Variants in SEMA4G observed in about 807,000 individuals in gnomAD.
SEMA4G encodes semaphorin 4G.
SEMA4G carries 59 observed loss-of-function variants against 81.2 expected under a neutral mutation model. The ratio of observed to expected loss-of-function variants is 0.73; its 90% CI spans 0.59 to 0.90. SEMA4G has a LOEUF of 0.90. Among genes scored for constraint, SEMA4G ranks in the 40% least tolerant of loss-of-function variants. The pLI is 0.00. For missense variants in SEMA4G, 952 were observed against 1,102.3 expected (o/e 0.86, Z 1.93); for synonymous variants, 404 against 433.9 (o/e 0.93, Z 0.86).
At chr10:100,984,760 G>A (rs2133912160) in exon 14 of SEMA4G, 1 of 1,536,064 alleles carries the variant, frequency 6.5e-7, no homozygotes, top group African/African-American at 1.4e-5. Context: ...GCCCCATGTG[G>A]TGACCTCTTT....
chr10:100,983,731 G>C, exon 14 of SEMA4G: 1 of 1,613,444 alleles, frequency 6.2e-7, no homozygotes, highest in South Asian at 1.1e-5. Flanking sequence ...GAAGGCAGAC[G>C]AGGGCGCCGA....
At position 100,973,242 on chromosome 10, in the gene SEMA4G, A is replaced by G; in HGVS notation, c.238A>G (p.Ser80Gly). The change falls in exon 2 of 14, where the codon AGT (serine) becomes GGT (glycine). Residue 80 changes from serine (S) to glycine (G), a missense_variant. By Grantham distance (56) the Ser-to-Gly change is moderately conservative. Transcript: ENST00000370250. The surrounding 1 kb of genome is among the most constrained non-coding windows in gnomAD (Gnocchi z 5.5). ...AGCCCGAGGTGCCCTGTTCTCTCTC[A>G]GTGCCAACGACATAGGAGATGGGGC... The G allele has an allele frequency of 6.2e-7, 1 of 1,613,420 alleles. No homozygotes were observed. The highest frequency in any genetic ancestry group is 8.5e-7 in the Non-Finnish European group (1 of 1,180,000).
Position 100,980,135 on chromosome 10 carries a change from C to A in SEMA4G, c.1142C>A (p.Ser381Ter), listed in dbSNP as rs1850994366. Residue 381 changes from serine (S) to a stop codon, truncating the protein, a stop_gained, in exon 10 of 14, where the codon TCA becomes TAA. Coordinates refer to ENST00000370250, the Ensembl canonical transcript of SEMA4G. LOFTEE classifies it high-confidence loss of function. Reference sequence around the variant, plus strand: ...CCCCCACGCCAGTGTATCACAGATTCATTGCGCAGCCAAGGCTACAATTCA... The same window carrying A: ...CCCCCACGCCAGTGTATCACAGATTAATTGCGCAGCCAAGGCTACAATTCA... The A allele has an allele frequency of 6.2e-7, 1 of 1,614,248 alleles. No homozygotes were observed.
At chr10:100,976,083 GA>G (rs1850768641) in intron 3 of SEMA4G, among the ~76,000 whole-genome samples, 1 of 151,992 alleles carries the variant, frequency 6.6e-6, no homozygotes, top group African/African-American at 2.4e-5. Context: ...GGAGACGGGG[GA>G]CAGATGGTAG....
intron 6 of SEMA4G, 88 bp from the exon 8 acceptor site, chr10:100,978,761 T>C (rs1181839202): frequency 6.4e-7 from 1 of 1,561,080 alleles, no homozygotes; most frequent in East Asian, 2.3e-5. Flanking sequence ...TCCATTCCTG[T>C]GTGTTGTCAA....
chr10:100,983,801 A>G, exon 14 of SEMA4G: 1 of 1,605,992 alleles, frequency 6.2e-7, no homozygotes, highest in Non-Finnish European at 8.5e-7. Context: ...AACTGCAGAC[A>G]GTCTCAGGCC....
rs760610802 is a variant in SEMA4G at position 100,978,878 on chromosome 10, C to A, written c.673C>A (p.Arg225=). 5.0e-6 allele frequency: 8 copies of A among 1,614,124 alleles called. No homozygotes were observed. In the South Asian group the frequency reaches 8.8e-5, roughly 18 times the overall value. Residue 225 remains arginine (R), a synonymous_variant, in exon 7 of 14, where the codon CGG becomes AGG. Coordinates refer to ENST00000370250, the Ensembl canonical transcript of SEMA4G. The stretch of plus-strand genomic sequence containing the variant: ...GGAGTTTGTGTTCTCCGTCCTCGTG[C>A]GGGAGAGCAAGGCCAGTGCAGTGGG...
rs921452117 is a variant in SEMA4G at position 100,984,040 on chromosome 10, G to A, written c.2426G>A (p.Gly809Glu). Residue 809 changes from glycine to glutamate, a missense_variant, in exon 14 of 14, where the codon GGG becomes GAG. By Grantham distance (98) the Gly-to-Glu change is moderately conservative. Transcript: ENST00000370250. ...CAGAGCAACAATGGAGTACCAGCAG[G>A]GCCCTGCTCCTTCGCCGAGGAACTC... The A allele has an allele frequency of 3.1e-6, 5 of 1,613,498 alleles. No individual in the cohort carries two copies. In the African/African-American group the frequency reaches 5.3e-5, roughly 17 times the overall value.
Position 100,972,785 on chromosome 10 carries a change from G to C in SEMA4G, c.-128G>C, listed in dbSNP as rs1381265281. 4 of 958,118 alleles carry C rather than the reference G, an allele frequency of 4.2e-6. No individual in the cohort carries two copies. The highest frequency in any genetic ancestry group is 6.2e-6 in the Non-Finnish European group (4 of 644,292). 59.4% of individuals were successfully genotyped at this position (958,118 alleles called of 1,614,324 possible). On this transcript the variant is annotated 5_prime_UTR_variant, in exon 1 of 14. It removes an upstream start codon present in the reference 5' UTR. Coordinates refer to ENST00000370250, the Ensembl canonical transcript of SEMA4G. ...GATTCCTTGACTCCTATGACCTTATGACCCCTGACCTTCCAAGTGACTTCC... is the reference window on the plus strand; with the variant it reads ...GATTCCTTGACTCCTATGACCTTATCACCCCTGACCTTCCAAGTGACTTCC...
intron 9 of SEMA4G, 41 bp downstream of exon 10, chr10:100,980,033 C>T (rs769389281): frequency 1.2e-6 from 2 of 1,613,564 alleles, no homozygotes; most frequent in African/African-American, 2.7e-5. Flanking sequence ...GTAGACAGAG[C>T]CCAGGGAAGG....
At position 100,975,334 on chromosome 10, in the gene SEMA4G, C is replaced by T. The variant is rs150564198; in HGVS notation, c.336+1725C>T. Among the ~76,000 whole-genome samples, 692 of 152,318 alleles carry T rather than the reference C, an allele frequency of 4.5e-3. 3 individuals are homozygous for T. Among genetic ancestry groups the T allele is most frequent in the Non-Finnish European group, 7.7e-3 (523 of 68,028 alleles). Reference sequence around the variant, plus strand: ...TGATGCTGCTGGTCCCCAGACCACACTTTGGATAGCAAGGCTTTATAGAAC... The same window carrying T: ...TGATGCTGCTGGTCCCCAGACCACATTTTGGATAGCAAGGCTTTATAGAAC... On this transcript the variant is annotated intron_variant, in intron 3 of 13. Coordinates refer to ENST00000370250, the Ensembl canonical transcript of SEMA4G.
exon 14 of SEMA4G, chr10:100,984,153 G>T (rs1276335802): frequency 6.3e-7 from 1 of 1,583,866 alleles, no homozygotes. Context: ...CAGAACAAAT[G>T]CTCTTCCAAG....
Position 100,978,520 on chromosome 10 carries a change from AC to A in SEMA4G, c.530-6del, listed in dbSNP as rs767390741. Reference sequence around the variant, plus strand: ...TGTCTCTCATGCCTGGAATATCCCCACGCCAGATGGAGGCCTCTACACAGCC... The same window carrying A: ...TGTCTCTCATGCCTGGAATATCCCCAGCCAGATGGAGGCCTCTACACAGCC... On this transcript the variant is annotated splice_polypyrimidine_tract_variant and splice_region_variant and intron_variant, in intron 5 of 13. Transcript: ENST00000370250. 1 of 1,613,254 alleles carries A rather than the reference AC, an allele frequency of 6.2e-7. No homozygotes were observed. Among genetic ancestry groups the A allele is most frequent in the East Asian group, 2.2e-5 (1 of 44,800 alleles).
intron 8 of SEMA4G, 31 bp from the exon 10 acceptor site, chr10:100,979,817 C>T (rs770110059): frequency 1.2e-6 from 2 of 1,610,202 alleles, no homozygotes; most frequent in Admixed American, 3.3e-5. Flanking sequence ...CTCCATGTAA[C>T]TCACCCCCCT....
chr10:100,971,150 G>A (rs1011709245), upstream of SEMA4G, among the ~76,000 whole-genome samples: 7 of 152,170 alleles, frequency 4.6e-5, no homozygotes, highest in Non-Finnish European at 8.8e-5. Context: ...CCATGTGCAT[G>A]TATATCACCT....
chr10:100,977,783 T>A (rs1850865642), intron 4 of SEMA4G, 53 bp downstream of exon 5: 2 of 1,440,850 alleles, frequency 1.4e-6, no homozygotes, highest in Non-Finnish European at 9.8e-7. Flanking sequence ...AGGGATGGGA[T>A]CATGTTCAAG....
exon 5 of SEMA4G, chr10:100,978,378 C>T: frequency 6.2e-7 from 1 of 1,613,108 alleles, no homozygotes; most frequent in Non-Finnish European, 8.5e-7. Flanking sequence ...GCTTCACAGG[C>T]CTCATCATTG....
At position 100,973,314 on chromosome 10, in the gene SEMA4G, T is replaced by C. The variant is rs771405645; in HGVS notation, c.273+37T>C. 5.0e-6 allele frequency: 8 copies of C among 1,608,532 alleles called. No individual in the cohort carries two copies. The highest frequency in any genetic ancestry group is 6.8e-6 in the Non-Finnish European group (8 of 1,179,090). On this transcript the variant is annotated intron_variant, in intron 2 of 13. Transcript: ENST00000370250. The surrounding 1 kb of genome is among the most constrained non-coding windows in gnomAD (Gnocchi z 5.5). ...GAACCTGGACCACCCAGAGGGTCTC[T>C]ATGCTTATCCAGCTCCCTGGGACCT...
chr10:100,983,480 A>G (rs770205655), exon 14 of SEMA4G: 4 of 1,614,058 alleles, frequency 2.5e-6, no homozygotes, highest in South Asian at 2.2e-5. Flanking sequence ...TTACAGATGC[A>G]CAGCCTGAGC....
Sources: gnomAD v4.1 joint callset for allele counts (sites outside exome capture counted in the v4.1 genomes callset) on GRCh38, gnomAD v4.1.1 for gene constraint, Gnocchi (gnomAD v3.1) non-coding constraint, MANE v1.5 for transcripts, NCBI Gene and HGNC (gene_info 2026-07-23, HGNC 2026-07-21) for gene names.